The following HDGFL2 variants were observed in gnomAD, a reference collection of about 807,000 sequenced individuals.
HDGFL2 encodes hepatoma-derived growth factor-related protein 2.
HDGFL2 carries 36 observed loss-of-function variants against 77.1 expected under a neutral mutation model. That is an observed-to-expected ratio of 0.47 (90% CI 0.36 to 0.62). The LOEUF (loss-of-function observed/expected upper bound fraction) is 0.62. HDGFL2 is among the 20% of genes least tolerant of loss of function. The pLI is 0.00. For missense variants in HDGFL2, 976 were observed against 973.4 expected, an observed-to-expected ratio of 1.00 and a Z score of -0.04; for synonymous variants, 463 against 413.1, an observed-to-expected ratio of 1.12 and a Z score of -1.46.
intron 3 of HDGFL2, among the ~76,000 whole-genome samples, chr19:4,484,666 A>ATTT (rs71168907): frequency 5.4e-5 from 4 of 74,116 alleles, no homozygotes; most frequent in Admixed American, 1.8e-4. Context: ...CGCCTGGCTA[A>ATTT]TTTTTTTTTT....
intron 9 of HDGFL2, among the ~76,000 whole-genome samples, chr19:4,495,927 G>A (rs761782223): frequency 6.6e-6 from 1 of 152,176 alleles, no homozygotes; most frequent in East Asian, 1.9e-4. Flanking sequence ...ACGTGCTGGT[G>A]CCCCTCAGCC....
At chr19:4,500,802 C>A (rs1264335655) in intron 14 of HDGFL2, among the ~76,000 whole-genome samples, 3 of 152,082 alleles carry the variant, frequency 2.0e-5, no homozygotes, top group Non-Finnish European at 4.4e-5. Context: ...GACAGGGTTG[C>A]TGGCATGTTA....
At chr19:4,495,083 G>A (rs931732799) in intron 9 of HDGFL2, among the ~76,000 whole-genome samples, 9 of 152,040 alleles carry the variant, frequency 5.9e-5, no homozygotes, top group African/African-American at 2.2e-4. Flanking sequence ...TTGCGTTTGG[G>A]TTTAAGTAAA....
At chr19:4,493,110 GTGTT>G (rs1975583091) in intron 6 of HDGFL2, among the ~76,000 whole-genome samples, 1 of 141,444 alleles carries the variant, frequency 7.1e-6, no homozygotes, top group Non-Finnish European at 1.5e-5. Context: ...TGTGGTGTGT[GTGTT>G]GTCTGTGTGT....
chr19:4,477,065 G>A (rs1312062338), intron 3 of HDGFL2, among the ~76,000 whole-genome samples: 1 of 152,144 alleles, frequency 6.6e-6, no homozygotes, highest in African/African-American at 2.4e-5. Flanking sequence ...TTTTGCGAGT[G>A]GAGGATGCAG....
chr19:4,498,411 C>A, intron 12 of HDGFL2, 35 bp downstream of exon 12: 1 of 1,511,368 alleles, frequency 6.6e-7, no homozygotes, highest in East Asian at 2.3e-5. Context: ...CAAGCAGTCC[C>A]CGCTGCCACC....
intron 4 of HDGFL2, 59 bp from the exon 5 acceptor site, chr19:4,491,507 G>A: frequency 1.3e-6 from 2 of 1,488,066 alleles, no homozygotes; most frequent in South Asian, 1.2e-5. Context: ...TCAGCTGGGG[G>A]CTTCCTGCCA....
At position 4,472,387 on chromosome 19, in the gene HDGFL2, G is replaced by A; in HGVS notation, c.37G>A (p.Ala13Thr). ...CTTCAAGCCCGGGGACTTGGTGTTC[G>A]CTAAGATGAAGGGCTACCCTCACTG... ...HAFKPGDLVF[A>T]KMKGYPHWPA... The change falls in exon 1 of 16, where the codon GCT becomes ACT. Residue 13 changes from alanine (A) to threonine (T), a missense_variant. By Grantham distance (58) the Ala-to-Thr change is moderately conservative. Around this residue, in one of 5 missense-constraint regions of HDGFL2, gnomAD observed 31 missense variants for 24.3 expected, o/e 1.27. Transcript: ENST00000616600. The A allele has an allele frequency of 1.3e-6, 2 of 1,482,680 alleles. No homozygotes were observed. The highest frequency in any genetic ancestry group is 1.8e-6 in the Non-Finnish European group (2 of 1,111,950). The allele number at this position is 1,482,680 out of a possible 1,614,324, so 91.8% of individuals were successfully genotyped here.
At chr19:4,498,058 C>T (rs1975754823) in intron 11 of HDGFL2, 27 bp downstream of exon 11, 22 of 1,539,214 alleles carry the variant, frequency 1.4e-5, no homozygotes, top group African/African-American at 4.1e-5. Context: ...CAGCACTGCC[C>T]ACACTGAGTT....
intron 3 of HDGFL2, among the ~76,000 whole-genome samples, chr19:4,483,787 ATTTTTTTTTT>A (rs5826851): frequency 1.0e-5 from 1 of 100,502 alleles, no homozygotes; most frequent in Admixed American, 1.1e-4. Flanking sequence ...TTGTTTCATG[ATTTTTTTTTT>A]TTTTTTTTTT....
intron 4 of HDGFL2, among the ~76,000 whole-genome samples, chr19:4,490,872 C>T (rs538781088): frequency 6.6e-6 from 1 of 150,826 alleles, no homozygotes; most frequent in Admixed American, 6.6e-5. Context: ...AGTGTGATGG[C>T]GCAATCTCGG....
chr19:4,496,183 C>A, intron 9 of HDGFL2, 119 bp from the exon 10 acceptor site: 1 of 806,130 alleles, frequency 1.2e-6, no homozygotes, highest in Non-Finnish European at 2.1e-6. Flanking sequence ...CCAGCACCTT[C>A]AAACAGTGTG....
chr19:4,488,482 A>C (rs571507797), intron 3 of HDGFL2, among the ~76,000 whole-genome samples, 194 bp from the exon 4 acceptor site: 2 of 152,126 alleles, frequency 1.3e-5, no homozygotes, highest in Non-Finnish European at 2.9e-5. Flanking sequence ...CCCACCATAC[A>C]CGAATCCATC....
At chr19:4,489,028 G>GCTGCAACCTCCGCCTCC (rs1975438564) in intron 4 of HDGFL2, 152 bp downstream of exon 4, 6 of 601,010 alleles carry the variant, frequency 1.0e-5, no homozygotes, top group Admixed American at 3.2e-5. Context: ...ATCTCGACTC[G>GCTGCAACCTCCGCCTCC]CTGCAACCTC....
chr19:4,475,164 T>C lies in HDGFL2; in HGVS notation c.73-111T>C, dbSNP rs568027437. 4.7e-6 allele frequency: 4 copies of C among 847,720 alleles called. No homozygotes were observed. The African/African-American group carries it at 5.1e-5, about 11-fold the overall frequency. 52.5% of individuals were successfully genotyped at this position (847,720 alleles called of 1,614,324 possible). ...CGGGAAGGGGCTGCTGCTTCCTGGGTTGAAGGCTCCCCTCCTCCCAGCGTG... is the reference window on the plus strand; with the variant it reads ...CGGGAAGGGGCTGCTGCTTCCTGGGCTGAAGGCTCCCCTCCTCCCAGCGTG... On this transcript the variant is annotated intron_variant, in intron 1 of 15. Transcript: ENST00000616600.
intron 6 of HDGFL2, among the ~76,000 whole-genome samples, chr19:4,492,989 AGT>A (rs368922117): frequency 0.011 from 708 of 62,488 alleles, 9 homozygotes; most frequent in African/African-American, 0.031. Context: ...GTCTGTGTGT[AGT>A]GTGTGTGTGG....
chr19:4,491,417 C>A (rs1192630867), intron 4 of HDGFL2, 149 bp from the exon 5 acceptor site: 7 of 662,642 alleles, frequency 1.1e-5, no homozygotes, highest in African/African-American at 1.8e-5. Context: ...GGTTCAAGAT[C>A]CCTGGTTTGA....
In HDGFL2 at chr19:4,493,234, CTGTG is replaced by C. The variant is rs778470649; in HGVS notation, c.679-466_679-463del. Among the ~76,000 whole-genome samples the C allele has an allele frequency of 1.9e-4, 20 of 104,538 alleles. No homozygotes were observed. The East Asian group carries it at 4.1e-3, about 21-fold the overall frequency. The allele number at this position is 104,538 out of a possible 152,430, so 68.6% of individuals were successfully genotyped here. A position where few individuals can be genotyped will look rare whatever the true frequency, so the allele number is the denominator to read the frequency against. On this transcript the variant is annotated intron_variant, in intron 6 of 15. Coordinates refer to ENST00000616600, the MANE Select transcript of HDGFL2 (RefSeq NM_001001520.3). ...GTGTGTGTGGTGTGGTGTGTGGTAT[CTGTG>C]TGGTATGTGTGTTGTCTGTGTGTGT...
At chr19:4,494,870 T>A (rs1030016834) in intron 9 of HDGFL2, among the ~76,000 whole-genome samples, 2 of 151,452 alleles carry the variant, frequency 1.3e-5, no homozygotes, top group Admixed American at 1.3e-4. Context: ...CAGTGAGCTG[T>A]CATCAATCCA....
Sources: allele counts gnomAD v4.1 joint callset (sites outside exome capture counted in the v4.1 genomes callset), GRCh38; gene constraint gnomAD v4.1.1; regional missense constraint gnomAD v4.1.1; transcripts MANE v1.5; gene names NCBI Gene and HGNC (gene_info 2026-07-23, HGNC 2026-07-21).